AFG2A: variants seen among roughly 807,000 people sequenced by gnomAD.
AFG2A encodes the protein AAA ATPase AFG2A.
chr4:123,070,102 C>G, the AFG2A span, among the ~76,000 whole-genome samples: 1 of 152,280 alleles, frequency 6.6e-6, no homozygotes, highest in African/African-American at 2.4e-5. Flanking sequence ...TTTGAAGCTT[C>G]TGAAAATCTT....
the AFG2A span, among the ~76,000 whole-genome samples, chr4:123,258,272 A>G: frequency 6.6e-5 from 10 of 152,216 alleles, no homozygotes; most frequent in Non-Finnish European, 7.3e-5. Context: ...TTTTGGTCTG[A>G]ATAGGTAGGC....
chr4:123,128,192 A>G, the AFG2A span, among the ~76,000 whole-genome samples: 1 of 152,196 alleles, frequency 6.6e-6, no homozygotes, highest in African/African-American at 2.4e-5. Context: ...TTAAGAATAT[A>G]ATTTTAAAAT....
the AFG2A span, among the ~76,000 whole-genome samples, chr4:123,269,863 C>G: frequency 6.6e-6 from 1 of 152,232 alleles, no homozygotes. Context: ...TGTCGCCAAG[C>G]TGGAGTGCAG....
the AFG2A span, among the ~76,000 whole-genome samples, chr4:122,993,071 C>T: frequency 6.6e-6 from 1 of 151,842 alleles, no homozygotes; most frequent in African/African-American, 2.4e-5. Context: ...CTGCAGCCTT[C>T]ACCTACCAGG....
At chr4:123,217,611 G>A in the AFG2A span, among the ~76,000 whole-genome samples, 1 of 152,196 alleles carries the variant, frequency 6.6e-6, no homozygotes, top group South Asian at 2.1e-4. Context: ...TGGGGAGACT[G>A]TAGTTAGTGA....
At chr4:123,017,234 A>AGGGAG in the AFG2A span, among the ~76,000 whole-genome samples, 1 of 106,996 alleles carries the variant, frequency 9.3e-6, no homozygotes, top group African/African-American at 4.0e-5. Flanking sequence ...GGGAGAGGGA[A>AGGGAG]AGGGAGAGGG....
chr4:123,273,032 T>C, the AFG2A span, among the ~76,000 whole-genome samples: 3 of 152,106 alleles, frequency 2.0e-5, no homozygotes, highest in African/African-American at 7.2e-5. Flanking sequence ...GGTTTTGCCT[T>C]CAGCTGAAGG....
chr4:123,161,653 T>C, the AFG2A span, among the ~76,000 whole-genome samples: 126 of 152,218 alleles, frequency 8.3e-4, 1 homozygote, highest in Middle Eastern at 6.8e-3. Context: ...GTTTAGAATT[T>C]AGTAGGCAGT....
the AFG2A span, among the ~76,000 whole-genome samples, chr4:123,199,357 G>T: frequency 2.0e-5 from 3 of 149,642 alleles, no homozygotes; most frequent in Admixed American, 6.7e-5. Context: ...CACAGAAATT[G>T]ATTTTCAGAA....
chr4:123,236,942 G>T, the AFG2A span, among the ~76,000 whole-genome samples: 1 of 152,200 alleles, frequency 6.6e-6, no homozygotes, highest in African/African-American at 2.4e-5. Flanking sequence ...TAGAATCGAA[G>T]AAAATAATTT....
the AFG2A span, among the ~76,000 whole-genome samples, chr4:123,113,734 A>T: frequency 6.6e-6 from 1 of 152,288 alleles, no homozygotes; most frequent in Non-Finnish European, 1.5e-5. Flanking sequence ...CTCTGTGGCC[A>T]GTGGCGCCTT....
chr4:123,007,986 G>GT, the AFG2A span, among the ~76,000 whole-genome samples: 1 of 151,960 alleles, frequency 6.6e-6, no homozygotes, highest in East Asian at 1.9e-4. Flanking sequence ...TTTTAGTTTA[G>GT]TTTTTTTGTT....
the AFG2A span, among the ~76,000 whole-genome samples, chr4:123,238,902 G>A: frequency 9.2e-5 from 14 of 152,102 alleles, no homozygotes; most frequent in Admixed American, 2.6e-4. Flanking sequence ...CTAAAGAAGC[G>A]TGTTCTAACC....
At chr4:123,277,590 C>T in the AFG2A span, among the ~76,000 whole-genome samples, 5 of 152,264 alleles carry the variant, frequency 3.3e-5, no homozygotes, top group East Asian at 9.6e-4. Context: ...TTTGCCCATT[C>T]AGTATGATGT....
the AFG2A span, among the ~76,000 whole-genome samples, chr4:123,156,750 TAAG>T: frequency 8.2e-6 from 1 of 122,394 alleles, no homozygotes; most frequent in South Asian, 2.9e-4. Context: ...CTAAGATAGT[TAAG>T]AAGATTAAAA....
the AFG2A span, among the ~76,000 whole-genome samples, chr4:122,999,316 G>C: frequency 6.6e-6 from 1 of 152,154 alleles, no homozygotes; most frequent in Admixed American, 6.5e-5. Flanking sequence ...GGTTTAATTA[G>C]ATCCCATTTG....
the AFG2A span, among the ~76,000 whole-genome samples, chr4:123,288,308 G>T: frequency 6.6e-6 from 1 of 152,160 alleles, no homozygotes; most frequent in Non-Finnish European, 1.5e-5. Flanking sequence ...TATAAGGTGA[G>T]AAATTACAAC....
chr4:123,001,609 C>G, the AFG2A span, among the ~76,000 whole-genome samples: 1 of 151,508 alleles, frequency 6.6e-6, no homozygotes, highest in Non-Finnish European at 1.5e-5. Flanking sequence ...TGTAGTTGAG[C>G]AGTTTTGAGT....
the AFG2A span, among the ~76,000 whole-genome samples, chr4:123,048,850 C>T: frequency 3.0e-4 from 46 of 152,104 alleles, no homozygotes; most frequent in South Asian, 9.5e-3. Flanking sequence ...ATTCGAATGC[C>T]CTTTATTTCT....
Sources: allele counts gnomAD v4.1 joint callset (sites outside exome capture counted in the v4.1 genomes callset), GRCh38; gene constraint gnomAD v4.1.1; transcripts MANE v1.5; gene names NCBI Gene and HGNC (gene_info 2026-07-23, HGNC 2026-07-21).